The following FRMPD4 variants were observed in gnomAD, a reference collection of about 807,000 sequenced individuals.
FRMPD4 encodes the protein FERM and PDZ domain containing 4, also known as FERM and PDZ domain-containing protein 4.
In FRMPD4, 22 loss-of-function variants were observed where a neutral mutation model predicts 94.1. The ratio of observed to expected loss-of-function variants is 0.23; its 90% CI spans 0.17 to 0.33. FRMPD4 has a LOEUF of 0.33. Among genes scored for constraint, FRMPD4 ranks in the 10% least tolerant of loss-of-function variants. FRMPD4 has a pLI of 1.00. For synonymous variants in FRMPD4, 631 were observed against 548.6 expected, an observed-to-expected ratio of 1.15 and a Z score of -2.10; for missense variants, 1,111 against 1,339.9, an observed-to-expected ratio of 0.83 and a Z score of 2.67.
intron 1 of FRMPD4, among the ~76,000 whole-genome samples, chrX:12,357,651 A>G (rs913249231): frequency 8.7e-4 from 98 of 112,155 alleles, no homozygotes; most frequent in African/African-American, 3.0e-3. Context: ...AATTGGGAGC[A>G]TAGAATGAAA....
At chrX:11,856,234 A>G (rs1157983382) in intron 1 of FRMPD4, among the ~76,000 whole-genome samples, 1 of 111,851 alleles carries the variant, frequency 8.9e-6, no homozygotes, top group Non-Finnish European at 1.9e-5. Context: ...GGATTATGGG[A>G]ACTACAATTC....
intron 3 of FRMPD4, among the ~76,000 whole-genome samples, chrX:12,070,674 C>T (rs2054959712): frequency 8.9e-6 from 1 of 111,925 alleles, no homozygotes; most frequent in South Asian, 3.7e-4. Context: ...TAATTTATTG[C>T]AGAGCCCTCG....
intron 3 of FRMPD4, among the ~76,000 whole-genome samples, chrX:11,996,163 A>G (rs1017830258): frequency 2.7e-5 from 3 of 112,041 alleles, no homozygotes; most frequent in African/African-American, 9.7e-5. Context: ...ATATAATTCC[A>G]TTAGGTAGTG....
At chrX:12,178,262 C>T (rs746046231) in intron 1 of FRMPD4, among the ~76,000 whole-genome samples, 2 of 111,514 alleles carry the variant, frequency 1.8e-5, no homozygotes, top group South Asian at 3.8e-4. Context: ...CCTTCATAAC[C>T]GTGAGCAATA....
chrX:11,913,982 A>T (rs2054009887), intron 3 of FRMPD4, among the ~76,000 whole-genome samples: 1 of 112,255 alleles, frequency 8.9e-6, no homozygotes, highest in African/African-American at 3.2e-5. Flanking sequence ...TGGTAATTGT[A>T]GTCATTTTAA....
At chrX:12,211,800 A>G (rs1390577816) in intron 1 of FRMPD4, among the ~76,000 whole-genome samples, 2 of 112,482 alleles carry the variant, frequency 1.8e-5, no homozygotes, top group Non-Finnish European at 3.8e-5. Context: ...TCTTATAAAT[A>G]TAATAAACTT....
chrX:12,489,383 G>T (rs1230141799), intron 1 of FRMPD4, among the ~76,000 whole-genome samples: 1 of 112,082 alleles, frequency 8.9e-6, no homozygotes, highest in Non-Finnish European at 1.9e-5. Flanking sequence ...AGCTAAATCG[G>T]AAAATGTTTG....
chrX:12,714,514 G>A (rs2042043820), intron 14 of FRMPD4, among the ~76,000 whole-genome samples: 1 of 111,810 alleles, frequency 8.9e-6, no homozygotes, highest in Admixed American at 9.5e-5. Context: ...TTCACAGAGT[G>A]GACATATCTT....
chrX:12,425,965 A>G (rs2056941166), intron 1 of FRMPD4, among the ~76,000 whole-genome samples: 1 of 112,187 alleles, frequency 8.9e-6, no homozygotes. Flanking sequence ...GGATTTGATG[A>G]TATCTTTTGT....
chrX:12,542,349 A>C (rs1352702271), intron 2 of FRMPD4, among the ~76,000 whole-genome samples: 4 of 112,373 alleles, frequency 3.6e-5, no homozygotes, highest in Non-Finnish European at 7.5e-5. Flanking sequence ...CCATTATCTC[A>C]GCCCAAAATC....
At chrX:12,258,541 T>C (rs1477552116) in intron 1 of FRMPD4, among the ~76,000 whole-genome samples, 2 of 111,273 alleles carry the variant, frequency 1.8e-5, no homozygotes, top group African/African-American at 3.3e-5. Flanking sequence ...AGTTACCCAG[T>C]CTCAGGTATT....
chrX:12,170,721 A>T (rs1394243665), intron 1 of FRMPD4, among the ~76,000 whole-genome samples: 4 of 73,845 alleles, frequency 5.4e-5, no homozygotes, highest in African/African-American at 2.8e-4. Flanking sequence ...AACTCCCGCG[A>T]CTCCAGCAGC....
At chrX:12,694,143 G>A (rs966699865) in intron 8 of FRMPD4, among the ~76,000 whole-genome samples, 192 bp from the exon 9 acceptor site, 1 of 111,983 alleles carries the variant, frequency 8.9e-6, no homozygotes, top group African/African-American at 3.2e-5. Flanking sequence ...TCATCTCAGG[G>A]TCTGCTTCTG....
chrX:11,967,292 C>T (rs1317955588), intron 3 of FRMPD4, among the ~76,000 whole-genome samples: 3 of 111,316 alleles, frequency 2.7e-5, no homozygotes, highest in Non-Finnish European at 5.7e-5. Context: ...CATGTTGTGA[C>T]TTCCTTCCGC....
intron 1 of FRMPD4, among the ~76,000 whole-genome samples, chrX:12,298,088 TTTGACTG>T (rs1323361752): frequency 1.8e-5 from 2 of 112,128 alleles, no homozygotes; most frequent in South Asian, 3.8e-4. Context: ...AGGCCAGAGA[TTTGACTG>T]TAAGATTTTC....
At chrX:12,512,932 A>G (rs911161584) in intron 2 of FRMPD4, among the ~76,000 whole-genome samples, 2 of 112,379 alleles carry the variant, frequency 1.8e-5, no homozygotes, top group Non-Finnish European at 3.8e-5. Flanking sequence ...ATGAGATGAT[A>G]TCTTATTGTG....
intron 2 of FRMPD4, among the ~76,000 whole-genome samples, chrX:12,517,391 G>T (rs2058111101): frequency 1.8e-5 from 2 of 112,662 alleles, no homozygotes. Flanking sequence ...TTTTTGTGGT[G>T]ACTTTTTTGT....
intron 3 of FRMPD4, among the ~76,000 whole-genome samples, chrX:11,902,533 A>C (rs2053944134): frequency 8.9e-6 from 1 of 111,820 alleles, no homozygotes; most frequent in South Asian, 3.8e-4. Flanking sequence ...CAGCCTTATG[A>C]ATTTATCTAT....
chrX:12,311,697 T>C (rs1471074928), intron 1 of FRMPD4, among the ~76,000 whole-genome samples: 2 of 111,872 alleles, frequency 1.8e-5, no homozygotes, highest in Admixed American at 9.4e-5. Flanking sequence ...AGGTTGGCAA[T>C]TATTTTCTCT....
Sources: allele counts gnomAD v4.1 joint callset (sites outside exome capture counted in the v4.1 genomes callset), GRCh38; gene constraint gnomAD v4.1.1; transcripts MANE v1.5; gene names NCBI Gene and HGNC (gene_info 2026-07-23, HGNC 2026-07-21).